Variants in SPATA31H1 observed in about 807,000 individuals in gnomAD.
SPATA31H1 encodes spermatogenesis-associated protein 31H1.
At chr2:27,566,017 T>A in the SPATA31H1 span, 3 of 717,416 alleles carry the variant, frequency 4.2e-6, no homozygotes, top group Non-Finnish European at 7.8e-6. Flanking sequence ...GTCATGAGGC[T>A]GACAGATTCT....
chr2:27,547,281 C>T, the SPATA31H1 span, among the ~76,000 whole-genome samples: 1 of 151,146 alleles, frequency 6.6e-6, no homozygotes, highest in Admixed American at 6.6e-5. Flanking sequence ...TCAAGTGATT[C>T]TCCTGCCTCA....
chr2:27,577,446 G>A, the SPATA31H1 span: 1 of 1,614,046 alleles, frequency 6.2e-7, no homozygotes, highest in Non-Finnish European at 8.5e-7. This position sits in a 1 kb window ranked among gnomAD's most constrained non-coding sequence, Gnocchi z 4.5. Context: ...TGAATTCTTT[G>A]GAATGACCCC....
the SPATA31H1 span, among the ~76,000 whole-genome samples, chr2:27,539,638 T>C: frequency 9.3e-6 from 1 of 107,218 alleles, no homozygotes; most frequent in Non-Finnish European, 1.8e-5. Context: ...TGGGCACACC[T>C]CCCAGACGGG....
At chr2:27,581,176 C>T in the SPATA31H1 span, 2 of 1,614,136 alleles carry the variant, frequency 1.2e-6, no homozygotes, top group Non-Finnish European at 8.5e-7. Context: ...GACAAACTCA[C>T]ACACAAGGAG....
the SPATA31H1 span, chr2:27,576,155 G>C: frequency 4.9e-6 from 2 of 404,632 alleles, no homozygotes; most frequent in Non-Finnish European, 8.7e-6. Context: ...CGCCACACTT[G>C]CAAGGTGTAG....
At chr2:27,577,468 G>A in the SPATA31H1 span, 3 of 1,614,124 alleles carry the variant, frequency 1.9e-6, no homozygotes, top group Non-Finnish European at 2.5e-6. The surrounding 1 kb of genome is among the most constrained non-coding windows in gnomAD (Gnocchi z 4.5). Flanking sequence ...AAGCCAACAA[G>A]TCAAGCCACT....
chr2:27,565,434 G>A, the SPATA31H1 span: 1 of 716,862 alleles, frequency 1.4e-6, no homozygotes, highest in South Asian at 1.5e-5. Context: ...CAGACCAATT[G>A]TGGGTCAGCC....
the SPATA31H1 span, chr2:27,572,626 A>G: frequency 2.5e-6 from 1 of 398,138 alleles, no homozygotes. Context: ...CAAGGTGTGA[A>G]AACTGTGGAG....
chr2:27,540,517 C>T, the SPATA31H1 span, among the ~76,000 whole-genome samples: 1,394 of 82,734 alleles, frequency 0.017, no homozygotes, highest in African/African-American at 0.043. Context: ...GCTGGCCGGG[C>T]GGGGGGCTGA....
chr2:27,579,009 C>T, the SPATA31H1 span: 2 of 1,614,010 alleles, frequency 1.2e-6, no homozygotes, highest in Non-Finnish European at 1.7e-6. Flanking sequence ...AAACCCATGT[C>T]CTGAGATTCT....
At chr2:27,565,414 A>AG in the SPATA31H1 span, 1 of 717,294 alleles carries the variant, frequency 1.4e-6, no homozygotes, top group African/African-American at 1.7e-5. Context: ...CTTCAGCTCA[A>AG]GGTTAATAAC....
At chr2:27,538,821 ACT>A in the SPATA31H1 span, among the ~76,000 whole-genome samples, 2 of 150,664 alleles carry the variant, frequency 1.3e-5, no homozygotes, top group Non-Finnish European at 1.5e-5. Flanking sequence ...ACAGAGCGAG[ACT>A]CTGTCTCAAA....
At chr2:27,582,087 C>G in the SPATA31H1 span, 2 of 1,612,752 alleles carry the variant, frequency 1.2e-6, no homozygotes, top group South Asian at 1.1e-5. Flanking sequence ...GAGGAGCCAT[C>G]GTAGGATTTC....
At chr2:27,579,883 C>T in the SPATA31H1 span, 1 of 1,614,210 alleles carries the variant, frequency 6.2e-7, no homozygotes, top group Non-Finnish European at 8.5e-7. Flanking sequence ...CAAATACCCC[C>T]CGATGTGCCT....
At chr2:27,580,422 T>G in the SPATA31H1 span, 1 of 1,614,070 alleles carries the variant, frequency 6.2e-7, no homozygotes, top group South Asian at 1.1e-5. Context: ...CAAAAAGACC[T>G]CTGATTCAAA....
the SPATA31H1 span, chr2:27,580,854 T>C: frequency 6.2e-7 from 1 of 1,614,080 alleles, no homozygotes; most frequent in Admixed American, 1.7e-5. Flanking sequence ...GGAGGACATA[T>C]TGTGGGGAGG....
the SPATA31H1 span, among the ~76,000 whole-genome samples, chr2:27,560,516 G>T: frequency 6.7e-6 from 1 of 150,262 alleles, no homozygotes; most frequent in Non-Finnish European, 1.5e-5. Flanking sequence ...GGAGTGCAGT[G>T]GCAAGATCTC....
At chr2:27,576,420 G>C in the SPATA31H1 span, 1 of 610,628 alleles carries the variant, frequency 1.6e-6, no homozygotes, top group Non-Finnish European at 2.9e-6. Context: ...ATTTGTACCA[G>C]AGCCATGTTC....
the SPATA31H1 span, chr2:27,569,102 G>A: frequency 5.0e-6 from 2 of 398,900 alleles, no homozygotes; most frequent in Admixed American, 8.8e-5. Context: ...TGAGCTCAGT[G>A]TCATTCCAAG....
Sources: gnomAD v4.1 joint callset for allele counts (sites outside exome capture counted in the v4.1 genomes callset) on GRCh38, gnomAD v4.1.1 for gene constraint, Gnocchi (gnomAD v3.1) non-coding constraint, MANE v1.5 for transcripts, NCBI Gene and HGNC (gene_info 2026-07-23, HGNC 2026-07-21) for gene names.